CNTN5: variants seen among roughly 807,000 people sequenced by gnomAD.
CNTN5 encodes the protein contactin-5.
Under a neutral mutation model 129.1 loss-of-function variants are expected in CNTN5, and 77 were observed. That is an observed-to-expected ratio of 0.60 (90% confidence interval 0.50 to 0.72). The LOEUF is 0.72. CNTN5 is among the 30% of genes least tolerant of loss of function. CNTN5 has a pLI of 0.00. For missense variants in CNTN5, 1,478 were observed against 1,328.8 expected, an observed-to-expected ratio of 1.11 and a Z score of -1.75; for synonymous variants, 509 against 465.6, an observed-to-expected ratio of 1.09 and a Z score of -1.20.
intron 2 of CNTN5, 81 bp from the exon 3 acceptor site, chr11:99,556,064 T>C: frequency 2.3e-6 from 1 of 440,708 alleles, no homozygotes; most frequent in Non-Finnish European, 4.1e-6. Flanking sequence ...TATTAGGAGA[T>C]TTTTGCATTG....
In CNTN5 at chr11:100,089,548, C is replaced by T. The variant is rs145089108; in HGVS notation, c.1580+15254C>T. ...AAAATACCATTTGACCTAGCAATCC[C>T]ATTACTGGGTGAATACCCAAAGGAA... is the stretch of plus-strand genomic sequence containing the variant. On this transcript the variant is annotated intron_variant, in intron 13 of 24. Coordinates refer to ENST00000524871, the MANE Select transcript of CNTN5 (RefSeq NM_014361.4). Among the ~76,000 whole-genome samples, 396 of 152,216 alleles carry T rather than the reference C, an allele frequency of 2.6e-3. 2 individuals are homozygous for T. Among genetic ancestry groups the T allele is most frequent in the African/African-American group, 9.3e-3 (385 of 41,540 alleles).
intron 6 of CNTN5, among the ~76,000 whole-genome samples, chr11:99,853,359 A>G (rs1480499387): frequency 2.6e-5 from 4 of 151,872 alleles, no homozygotes; most frequent in Non-Finnish European, 5.9e-5. Flanking sequence ...TGTAGCAGGT[A>G]TGTGTGTATA....
At chr11:99,180,704 C>T (rs1165290760) in intron 1 of CNTN5, among the ~76,000 whole-genome samples, 4 of 152,106 alleles carry the variant, frequency 2.6e-5, no homozygotes, top group Non-Finnish European at 4.4e-5. Context: ...CCATCTGATA[C>T]TCAATTGTAG....
At chr11:99,722,633 T>A (rs1943210644) in intron 3 of CNTN5, among the ~76,000 whole-genome samples, 1 of 151,988 alleles carries the variant, frequency 6.6e-6, no homozygotes, top group Admixed American at 6.6e-5. Context: ...AAATAAAAGT[T>A]AAACAAAAAT....
rs527900007 is a variant in CNTN5 at position 99,426,400 on chromosome 11, C to T, written c.-71+100916C>T. Among the ~76,000 whole-genome samples, 5 of 152,324 alleles carry T rather than the reference C, an allele frequency of 3.3e-5. No individual in the cohort carries two copies. The East Asian group carries it at 5.8e-4, about 18-fold the overall frequency. ...CTCTTTTAGAAAGGAGACTCACTTT[C>T]ATAAACAATGAGACCTAATAAAGAC... On this transcript the variant is annotated intron_variant, in intron 2 of 24. Transcript: ENST00000524871.
intron 3 of CNTN5, among the ~76,000 whole-genome samples, chr11:99,671,280 T>C (rs1428496878): frequency 2.0e-5 from 3 of 152,298 alleles, no homozygotes; most frequent in Non-Finnish European, 2.9e-5. Context: ...GTTATGATAT[T>C]GCCACTGCCC....
intron 15 of CNTN5, among the ~76,000 whole-genome samples, chr11:100,200,989 A>C (rs1044672074): frequency 3.9e-5 from 6 of 151,906 alleles, no homozygotes; most frequent in African/African-American, 1.4e-4. Context: ...ATTCTCACTG[A>C]GTTGATTGTT....
intron 6 of CNTN5, among the ~76,000 whole-genome samples, chr11:99,859,461 G>A (rs936151649): frequency 2.6e-5 from 4 of 152,154 alleles, no homozygotes; most frequent in Non-Finnish European, 5.9e-5. Context: ...CCATCACCCA[G>A]TTACTTAGCA....
At chr11:100,317,571 A>G (rs1486610489) in intron 21 of CNTN5, among the ~76,000 whole-genome samples, 2 of 152,172 alleles carry the variant, frequency 1.3e-5, no homozygotes, top group Non-Finnish European at 2.9e-5. Flanking sequence ...TTATGTCACT[A>G]TCATTAGATT....
In CNTN5 at chr11:99,251,780, G is replaced by T. The variant is rs139053485; in HGVS notation, c.-209-73566G>T. Among the ~76,000 whole-genome samples, 482 of 152,056 alleles carry T rather than the reference G, an allele frequency of 3.2e-3. 2 individuals are homozygous for T. The highest frequency in any genetic ancestry group is 0.011 in the African/African-American group (474 of 41,530). ...TTTTTTTCATGTATGGTAGTAACAT[G>T]TGTTTTCCATACAACGCCTAAGTGG... On this transcript the variant is annotated intron_variant, in intron 1 of 24. Coordinates refer to ENST00000524871, the MANE Select transcript of CNTN5 (RefSeq NM_014361.4).
At position 99,544,229 on chromosome 11, in the gene CNTN5, G is replaced by A. The variant is rs560607143; in HGVS notation, c.-70-11916G>A. ...ATTGCAAGTATAGCACTGAGAAGAC[G>A]GGGCTGAACTGTTCATGAAATATCT... is the stretch of plus-strand genomic sequence containing the variant. On this transcript the variant is annotated intron_variant, in intron 2 of 24. Coordinates refer to ENST00000524871, the MANE Select transcript of CNTN5 (RefSeq NM_014361.4). Among the ~76,000 whole-genome samples the A allele has an allele frequency of 2.8e-4, 43 of 152,162 alleles. 1 individual carries two copies. The South Asian group carries it at 6.4e-3, about 23-fold the overall frequency.
At chr11:99,422,518 T>TATATATATATA (rs1565569181) in intron 2 of CNTN5, among the ~76,000 whole-genome samples, 2 of 83,404 alleles carry the variant, frequency 2.4e-5, no homozygotes, top group Non-Finnish European at 2.5e-5. Flanking sequence ...CTTTATATTT[T>TATATATATATA]TATATATATA....
chr11:100,051,432 ATAT>A (rs1208093149), intron 9 of CNTN5, among the ~76,000 whole-genome samples: 1 of 152,058 alleles, frequency 6.6e-6, no homozygotes, highest in Admixed American at 6.6e-5. Context: ...AAAGTAGAAA[ATAT>A]TTTTAACTGA....
chr11:99,547,210 G>A (rs1051296373), intron 2 of CNTN5, among the ~76,000 whole-genome samples: 3 of 151,940 alleles, frequency 2.0e-5, no homozygotes, highest in South Asian at 2.1e-4. Context: ...TCTCCATGTC[G>A]GTCAGGCTAG....
chr11:99,484,129 G>C (rs867475526), intron 2 of CNTN5, among the ~76,000 whole-genome samples: 1 of 151,904 alleles, frequency 6.6e-6, no homozygotes, highest in Non-Finnish European at 1.5e-5. Flanking sequence ...ATGATCTGAC[G>C]AGGATTAATA....
intron 2 of CNTN5, among the ~76,000 whole-genome samples, chr11:99,357,461 T>G (rs896060953): frequency 6.6e-6 from 1 of 151,982 alleles, no homozygotes; most frequent in South Asian, 2.1e-4. Flanking sequence ...TTTGCAAGCT[T>G]GAAAACACAC....
At chr11:99,716,182 A>G (rs1038680808) in intron 3 of CNTN5, among the ~76,000 whole-genome samples, 2 of 152,004 alleles carry the variant, frequency 1.3e-5, no homozygotes, top group Non-Finnish European at 2.9e-5. Context: ...GTCAGCAATA[A>G]TATCGTGTAT....
intron 3 of CNTN5, among the ~76,000 whole-genome samples, chr11:99,595,035 T>C (rs1484517824): frequency 2.0e-5 from 3 of 151,994 alleles, no homozygotes; most frequent in African/African-American, 7.2e-5. Flanking sequence ...GAGAGTAGGA[T>C]AGTGGTTACC....
At chr11:99,519,998 C>T (rs964223165) in intron 2 of CNTN5, among the ~76,000 whole-genome samples, 15 of 152,042 alleles carry the variant, frequency 9.9e-5, no homozygotes, top group Non-Finnish European at 1.9e-4. Flanking sequence ...ACTTGTCTGC[C>T]ATTTTTGTGG....
Sources: allele counts gnomAD v4.1 joint callset (sites outside exome capture counted in the v4.1 genomes callset), GRCh38; gene constraint gnomAD v4.1.1; transcripts MANE v1.5; gene names NCBI Gene and HGNC (gene_info 2026-07-23, HGNC 2026-07-21).